The following NDC1 variants were observed in gnomAD, a reference collection of about 807,000 sequenced individuals.
NDC1 encodes the protein nucleoporin NDC1.
A neutral mutation model predicts 89.8 loss-of-function variants in NDC1; 24 were observed. The ratio of observed to expected loss-of-function variants is 0.27; its 90% CI spans 0.19 to 0.38. The LOEUF (loss-of-function observed/expected upper bound fraction) is 0.38, where lower values mean the gene tolerates loss of function less well. Ranked by LOEUF, NDC1 falls within the 10% of genes least tolerant of loss-of-function variation. The pLI, the probability that NDC1 is intolerant of heterozygous loss-of-function variation, is 1.00. For missense variants in NDC1, 728 were observed against 797.6 expected (o/e 0.91, Z 1.05); for synonymous variants, 296 against 284.8 (o/e 1.04, Z -0.39).
rs765980814 is a variant in NDC1 at position 53,807,786 on chromosome 1, A to G, written c.761T>C (p.Val254Ala). 4.4e-6 allele frequency: 7 copies of G among 1,596,706 alleles called. No homozygotes were observed. The African/African-American group carries it at 9.5e-5, about 22-fold the overall frequency. The change falls in exon 8 of 18, where the codon GTT becomes GCT. Residue 254 changes from valine to alanine, a missense_variant. By Grantham distance (64) the Val-to-Ala change is moderately conservative. Transcript: ENST00000371429. ...TAMNLHIDEQ[V>A]HRPLDTVSGL... ...ACTCACTGTGTCAAGTGGCCTATGA[A>G]CCTGCCTGTGAATGCAGAAATTACT...
chr1:53,797,238 T>C (rs1235646734), intron 11 of NDC1, 94 bp from the exon 12 acceptor site: 11 of 1,238,820 alleles, frequency 8.9e-6, no homozygotes, highest in Non-Finnish European at 1.2e-5. Context: ...AATTTTTGTT[T>C]AACGCATTTA....
At chr1:53,811,248 A>C (rs1648296177) in intron 6 of NDC1, among the ~76,000 whole-genome samples, 1 of 152,220 alleles carries the variant, frequency 6.6e-6, no homozygotes, top group Non-Finnish European at 1.5e-5. Flanking sequence ...CTTTGTAACA[A>C]TTTAAATGGG....
intron 3 of NDC1, among the ~76,000 whole-genome samples, chr1:53,828,954 C>A (rs1304122960): frequency 6.6e-6 from 1 of 152,020 alleles, no homozygotes; most frequent in Admixed American, 6.6e-5. Context: ...TTGAAACTGT[C>A]AATATATAAT....
intron 16 of NDC1, among the ~76,000 whole-genome samples, chr1:53,779,663 C>A (rs776911434): frequency 6.6e-6 from 1 of 152,168 alleles, no homozygotes; most frequent in South Asian, 2.1e-4. Flanking sequence ...TCTGACTCAG[C>A]CATTTACTAG....
intron 9 of NDC1, among the ~76,000 whole-genome samples, chr1:53,805,542 T>A (rs1358061585): frequency 1.3e-5 from 2 of 152,210 alleles, no homozygotes; most frequent in Non-Finnish European, 2.9e-5. Flanking sequence ...ATACTGTAGA[T>A]CTAGTTTAAA....
chr1:53,832,293 CCTAAAAAGT>C (rs1313167286), intron 3 of NDC1, among the ~76,000 whole-genome samples, 188 bp downstream of exon 3: 1 of 152,068 alleles, frequency 6.6e-6, no homozygotes, highest in African/African-American at 2.4e-5. Flanking sequence ...TAATATTTGT[CCTAAAAAGT>C]CTAAAAATAT....
At chr1:53,789,033 A>G in intron 15 of NDC1, 100 bp downstream of exon 15, 1 of 762,058 alleles carries the variant, frequency 1.3e-6, no homozygotes, top group Non-Finnish European at 2.2e-6. Context: ...CTGTACATTC[A>G]AAGACTGAAA....
intron 1 of NDC1, 101 bp downstream of exon 1, chr1:53,838,104 C>T: frequency 9.1e-7 from 1 of 1,093,240 alleles, no homozygotes; most frequent in African/African-American, 1.6e-5. Context: ...CTCCACGCTG[C>T]CCCGGGACCG....
In NDC1 at chr1:53,787,187, T is replaced by G. The variant is rs985735319; in HGVS notation, c.1771A>C (p.Ile591Leu). The part of the protein sequence containing the change: ...FGVVQTTLPA[I>L]LNTLLTLQEA... The stretch of plus-strand genomic sequence containing the variant: ...TGCAGTGTCAACAAAGTATTAAGGA[T>G]AGCTGGTAGTGTCGTCTGGACAACT... Residue 591 changes from isoleucine (I) to leucine (L), a missense_variant, in exon 16 of 18, where the codon ATC (isoleucine) becomes CTC (leucine). Coordinates refer to ENST00000371429, the MANE Select transcript of NDC1 (RefSeq NM_018087.5). The G allele has an allele frequency of 6.2e-7, 1 of 1,609,900 alleles. No homozygotes were observed. The highest frequency in any genetic ancestry group is 1.3e-5 in the African/African-American group (1 of 74,698).
chr1:53,765,729 A>G lies in NDC1; in HGVS notation c.*2241T>C, dbSNP rs1647059992. 1 of 152,212 alleles carries G rather than the reference A, an allele frequency of 6.6e-6. No homozygotes were observed. Among genetic ancestry groups the G allele is most frequent in the Non-Finnish European group, 1.5e-5 (1 of 68,028 alleles). The allele number at this position is 152,212 out of a possible 1,614,324, so 9.4% of individuals were successfully genotyped here. ...TACCTTCCATAAGGGTCAAGCAAAC[A>G]TGCTAAGAGCTGATACCATCATGTT... On this transcript the variant is annotated 3_prime_UTR_variant, in exon 18 of 18. Coordinates refer to ENST00000371429, the MANE Select transcript of NDC1 (RefSeq NM_018087.5).
At chr1:53,809,799 T>C (rs376601372) in intron 6 of NDC1, 53 bp from the exon 7 acceptor site, 12 of 1,418,650 alleles carry the variant, frequency 8.5e-6, no homozygotes, top group African/African-American at 4.2e-5. Context: ...AAACAAGTTT[T>C]AGTCAAGCTT....
Position 53,796,928 on chromosome 1 carries a change from C to T in NDC1, c.1439G>A (p.Arg480Lys), listed in dbSNP as rs770087117. Residue 480 changes from arginine (R) to lysine (K), a missense_variant, in exon 12 of 18, where the codon AGG (arginine) becomes AAG (lysine). By Grantham distance (26) the Arg-to-Lys change is conservative. Coordinates refer to ENST00000371429, the MANE Select transcript of NDC1 (RefSeq NM_018087.5). The stretch of plus-strand genomic sequence containing the variant: ...AGCTGATGTCCACAATCTTGGCCCC[C>T]TTCTTATTAGCTGAGGACTTTGCGG... ...GSPQSPQLIR[R>K]GPRLWTSASD... 6.2e-7 allele frequency: 1 copy of T among 1,614,132 alleles called. No individual in the cohort carries two copies.
At position 53,772,455 on chromosome 1, in the gene NDC1, G is replaced by C; in HGVS notation, c.1835C>G (p.Ser612Cys). The change falls in exon 17 of 18, where the codon TCC becomes TGC. Residue 612 changes from serine to cysteine, a missense_variant. By Grantham distance (112) the Ser-to-Cys change is moderately radical. Coordinates refer to ENST00000371429, the MANE Select transcript of NDC1 (RefSeq NM_018087.5). ...TCCTGAAATCCGGGGTGGTTTACTG[G>C]AAGCATGAGGAAGCTTAAAGTACTT... ...VDKYFKLPHA[S>C]SKPPRISGSL... The C allele has an allele frequency of 6.2e-7, 1 of 1,613,382 alleles. No individual in the cohort carries two copies. Among genetic ancestry groups the C allele is most frequent in the Non-Finnish European group, 8.5e-7 (1 of 1,179,520 alleles).
At chr1:53,779,119 C>CAA (rs11412563) in intron 16 of NDC1, among the ~76,000 whole-genome samples, 1,800 of 54,370 alleles carry the variant, frequency 0.033, 76 homozygotes, top group African/African-American at 0.094. Context: ...GACTCTGTCG[C>CAA]AAAAAAAAAA....
At position 53,826,927 on chromosome 1, in the gene NDC1, C is replaced by T. The variant is rs115781319; in HGVS notation, c.456-991G>A. On this transcript the variant is annotated intron_variant, in intron 4 of 17. Transcript: ENST00000371429. ...GTAATAGGCATTATAATGTCTTCAA[C>T]AACTTGTAGCTTACTGCTGCCTTCT... 4.8e-3 allele frequency among the ~76,000 whole-genome samples: 726 copies of T among 152,298 alleles called. 5 individuals carry two copies. The highest frequency in any genetic ancestry group is 0.017 in the African/African-American group (702 of 41,556).
chr1:53,772,614 AG>A (rs2100617473), intron 16 of NDC1, 125 bp from the exon 17 acceptor site: 1 of 744,822 alleles, frequency 1.3e-6, no homozygotes, highest in South Asian at 2.0e-5. Flanking sequence ...GCTTGAGCCC[AG>A]GAGTTCCACT....
intron 16 of NDC1, among the ~76,000 whole-genome samples, chr1:53,778,606 A>C (rs1647180890): frequency 6.6e-6 from 1 of 152,104 alleles, no homozygotes; most frequent in African/African-American, 2.4e-5. Flanking sequence ...AAAGAAAAAA[A>C]AAAGAATAAA....
intron 16 of NDC1, among the ~76,000 whole-genome samples, chr1:53,783,183 G>A (rs1647231025): frequency 6.6e-6 from 1 of 152,014 alleles, no homozygotes; most frequent in Non-Finnish European, 1.5e-5. Flanking sequence ...GTATACAAAT[G>A]GGTAGTGAAG....
chr1:53,800,012 A>G (rs563209262), intron 11 of NDC1, among the ~76,000 whole-genome samples: 1 of 152,328 alleles, frequency 6.6e-6, no homozygotes, highest in East Asian at 1.9e-4. Flanking sequence ...TACTGCAACC[A>G]GAACAGCAAC....
Sources: gnomAD v4.1 joint callset for allele counts (sites outside exome capture counted in the v4.1 genomes callset) on GRCh38, gnomAD v4.1.1 for gene constraint, MANE v1.5 for transcripts, NCBI Gene and HGNC (gene_info 2026-07-23, HGNC 2026-07-21) for gene names.